PRKCZ: variants seen among roughly 807,000 people sequenced by gnomAD.
PRKCZ encodes the protein protein kinase C zeta type.
Under a neutral mutation model 79.5 loss-of-function variants are expected in PRKCZ, and 33 were observed. The observed-to-expected ratio is 0.41, with a 90% CI of 0.31 to 0.55. PRKCZ has a LOEUF of 0.55. PRKCZ is among the 20% of genes least tolerant of loss of function. PRKCZ has a pLI of 0.19. For synonymous variants in PRKCZ, 342 were observed against 320.9 expected (o/e 1.07, Z -0.70); for missense variants, 578 against 813.5 (o/e 0.71, Z 3.52).
intron 1 of PRKCZ, among the ~76,000 whole-genome samples, chr1:2,051,352 C>G (rs1419980506): frequency 2.0e-5 from 3 of 152,184 alleles, no homozygotes; most frequent in Admixed American, 6.5e-5. Context: ...CTCGGGGCAG[C>G]GCTGCTGGGG....
At chr1:2,090,964 A>C (rs919547586) in intron 4 of PRKCZ, among the ~76,000 whole-genome samples, 2 of 152,238 alleles carry the variant, frequency 1.3e-5, no homozygotes, top group Non-Finnish European at 2.9e-5. Flanking sequence ...CATCTTTTCA[A>C]ACTGCCACAT....
At chr1:2,130,936 C>G (rs1674830491) in intron 4 of PRKCZ, among the ~76,000 whole-genome samples, 2 of 152,016 alleles carry the variant, frequency 1.3e-5, no homozygotes, top group Admixed American at 1.3e-4. Context: ...GTACTCCCGC[C>G]TGACACACTC....
chr1:2,132,019 G>A (rs1177749643), intron 4 of PRKCZ, among the ~76,000 whole-genome samples: 1 of 152,146 alleles, frequency 6.6e-6, no homozygotes, highest in South Asian at 2.1e-4. Flanking sequence ...CACCGTGTTA[G>A]CCAGGATGGT....
At chr1:2,071,931 CTT>C (rs946930547) in intron 4 of PRKCZ, among the ~76,000 whole-genome samples, 5 of 152,210 alleles carry the variant, frequency 3.3e-5, no homozygotes, top group African/African-American at 1.2e-4. Context: ...CCTAGTGAAA[CTT>C]TATGCACGCT....
chr1:2,118,839 A>G (rs1671292932), intron 4 of PRKCZ, among the ~76,000 whole-genome samples: 1 of 151,580 alleles, frequency 6.6e-6, no homozygotes, highest in Non-Finnish European at 1.5e-5. Flanking sequence ...TATATTTTGG[A>G]AATGACTCTT....
intron 4 of PRKCZ, among the ~76,000 whole-genome samples, chr1:2,090,761 G>T (rs1011197151): frequency 6.6e-6 from 1 of 152,256 alleles, no homozygotes. Context: ...GTGCAGGGGG[G>T]ACCCCACAAT....
chr1:2,175,081 A>T, intron 15 of PRKCZ, 143 bp from the exon 16 acceptor site: 2 of 769,344 alleles, frequency 2.6e-6, no homozygotes, highest in Non-Finnish European at 4.3e-6. Flanking sequence ...GGAACTTTCA[A>T]TAAAGGAAAC....
At chr1:2,180,672 T>C (rs1686433088) in intron 16 of PRKCZ, among the ~76,000 whole-genome samples, 2 of 152,120 alleles carry the variant, frequency 1.3e-5, no homozygotes, top group Admixed American at 1.3e-4. Context: ...CACGGACGAC[T>C]CAGATCCACA....
chr1:2,151,097 G>T, intron 9 of PRKCZ, 119 bp downstream of exon 9: 1 of 1,255,420 alleles, frequency 8.0e-7, no homozygotes, highest in Non-Finnish European at 1.1e-6. Flanking sequence ...GACGGAGTTT[G>T]TGCAAAATCA....
chr1:2,094,024 C>T lies in PRKCZ; in HGVS notation c.334+34433C>T, dbSNP rs890395082. On this transcript the variant is annotated intron_variant, in intron 4 of 17. Transcript: ENST00000378567. This position sits in a 1 kb window ranked among gnomAD's most constrained non-coding sequence, Gnocchi z 7.3. ...ACACGTGTGTCTGCTCCCTGCGGCACGTCCACAGCACCTGCCAGCCCACTT... is the reference window on the plus strand; with the variant it reads ...ACACGTGTGTCTGCTCCCTGCGGCATGTCCACAGCACCTGCCAGCCCACTT... Among the ~76,000 whole-genome samples, 39 of 152,170 alleles carry T rather than the reference C, an allele frequency of 2.6e-4. No homozygotes were observed. The highest frequency in any genetic ancestry group is 2.4e-4 in the Non-Finnish European group (16 of 68,036).
intron 4 of PRKCZ, among the ~76,000 whole-genome samples, chr1:2,064,679 G>A (rs754613150): frequency 6.6e-6 from 1 of 152,162 alleles, no homozygotes; most frequent in Non-Finnish European, 1.5e-5. Flanking sequence ...ATATGGGAGG[G>A]TTCATTTGTG....
intron 4 of PRKCZ, among the ~76,000 whole-genome samples, chr1:2,093,331 G>A (rs1271920490): frequency 6.6e-6 from 1 of 152,154 alleles, no homozygotes; most frequent in African/African-American, 2.4e-5. Context: ...CCTTGCTCTT[G>A]GCGGGCGGCT....
At chr1:2,151,083 C>T (rs1336649858) in intron 9 of PRKCZ, 105 bp downstream of exon 9, 6 of 1,339,266 alleles carry the variant, frequency 4.5e-6, no homozygotes, top group Admixed American at 2.5e-5. Context: ...CCTAGCCTCA[C>T]GTTGACGGAG....
chr1:2,131,921 C>T (rs1675043736), intron 4 of PRKCZ, among the ~76,000 whole-genome samples: 1 of 152,238 alleles, frequency 6.6e-6, no homozygotes, highest in Non-Finnish European at 1.5e-5. Context: ...ACGCCATTCT[C>T]CTGCCTCAGC....
chr1:2,155,448 A>G (rs201172590), intron 9 of PRKCZ, among the ~76,000 whole-genome samples: 5 of 132,950 alleles, frequency 3.8e-5, no homozygotes, highest in African/African-American at 1.0e-4. Flanking sequence ...GATGGTGATG[A>G]TGGTGGTGGT....
intron 4 of PRKCZ, among the ~76,000 whole-genome samples, chr1:2,110,616 G>A (rs930382453): frequency 9.2e-5 from 14 of 152,074 alleles, no homozygotes; most frequent in African/African-American, 2.4e-4. Context: ...CTGGGCCCTC[G>A]ACACCCTTGG....
chr1:2,180,765 TG>T (rs1230963393), intron 16 of PRKCZ, among the ~76,000 whole-genome samples: 3 of 152,146 alleles, frequency 2.0e-5, no homozygotes, highest in Admixed American at 2.0e-4. Flanking sequence ...GCGTTTCCTG[TG>T]GTTTGGGCAC....
chr1:2,184,537 G>A, intron 16 of PRKCZ, 46 bp from the exon 17 acceptor site: 2 of 1,459,744 alleles, frequency 1.4e-6, no homozygotes, highest in Non-Finnish European at 1.9e-6. Context: ...ATCTGGTAGG[G>A]ATGATGCCCG....
chr1:2,104,111 G>A (rs552754827), intron 4 of PRKCZ, among the ~76,000 whole-genome samples: 4 of 152,076 alleles, frequency 2.6e-5, no homozygotes, highest in East Asian at 1.9e-4. Flanking sequence ...GGTCTTGAGC[G>A]CGCCTGTAAG....
Sources: gnomAD v4.1 joint callset for allele counts (sites outside exome capture counted in the v4.1 genomes callset) on GRCh38, gnomAD v4.1.1 for gene constraint, Gnocchi (gnomAD v3.1) non-coding constraint, MANE v1.5 for transcripts, NCBI Gene and HGNC (gene_info 2026-07-23, HGNC 2026-07-21) for gene names.